SIPA1L2: variants seen among roughly 807,000 people sequenced by gnomAD.
The protein encoded by SIPA1L2 is signal induced proliferation associated 1 like 2, also known as signal-induced proliferation-associated 1-like protein 2.
A neutral mutation model predicts 163.9 loss-of-function variants in SIPA1L2; 56 were observed. That is an observed-to-expected ratio of 0.34 (90% CI 0.28 to 0.43). The LOEUF (loss-of-function observed/expected upper bound fraction) is 0.43. SIPA1L2 is among the 20% of genes least tolerant of loss of function. The pLI, the probability that SIPA1L2 is intolerant of heterozygous loss-of-function variation, is 1.00. For synonymous variants in SIPA1L2, 877 were observed against 865.7 expected (o/e 1.01, Z -0.23); for missense variants, 1,974 against 2,193.5 (o/e 0.90, Z 2.00).
chr1:232,491,207 A>G (rs1330739788), intron 4 of SIPA1L2, 145 bp from the exon 5 acceptor site: 2 of 683,072 alleles, frequency 2.9e-6, no homozygotes, highest in Admixed American at 3.0e-5. Context: ...GTTCCATTTA[A>G]GGAAACAAAA....
At chr1:232,489,499 T>TC (rs1665820214) in intron 5 of SIPA1L2, among the ~76,000 whole-genome samples, 1 of 152,124 alleles carries the variant, frequency 6.6e-6, no homozygotes, top group African/African-American at 2.4e-5. Flanking sequence ...AGTATGGTTT[T>TC]TTTTTTTTAA....
At chr1:232,613,552 C>T (rs1484806313) in intron 1 of SIPA1L2, among the ~76,000 whole-genome samples, 1 of 152,120 alleles carries the variant, frequency 6.6e-6, no homozygotes. Flanking sequence ...TCCAGCAATT[C>T]TGGAAGTTAC....
intron 2 of SIPA1L2, among the ~76,000 whole-genome samples, chr1:232,536,130 A>G (rs1240435638): frequency 6.6e-6 from 1 of 152,234 alleles, no homozygotes; most frequent in Admixed American, 6.5e-5. Flanking sequence ...AGGAAGCACG[A>G]CAGATCTGAG....
chr1:232,572,762 T>TACAC (rs1558277744), intron 2 of SIPA1L2, among the ~76,000 whole-genome samples: 8 of 118,006 alleles, frequency 6.8e-5, no homozygotes, highest in African/African-American at 1.9e-4. Context: ...TATATATATA[T>TACAC]ATATATATAT....
rs563414813 is a variant in SIPA1L2 at position 232,613,441 on chromosome 1, T to C, written c.-319+16428A>G. On this transcript the variant is annotated intron_variant, in intron 1 of 22. Coordinates refer to ENST00000674635, the MANE Select transcript of SIPA1L2 (RefSeq NM_020808.5). Reference sequence around the variant, plus strand: ...GGAAAACACAAAGTTACAGGTGGTCTTTAGCAAACCACCCACTTTTATTAT... The same window carrying C: ...GGAAAACACAAAGTTACAGGTGGTCCTTAGCAAACCACCCACTTTTATTAT... 5.9e-5 allele frequency among the ~76,000 whole-genome samples: 9 copies of C among 152,208 alleles called. 1 individual carries two copies. The South Asian group carries it at 1.4e-3, about 25-fold the overall frequency.
At chr1:232,466,651 C>A (rs537986235) in intron 8 of SIPA1L2, among the ~76,000 whole-genome samples, 2 of 151,960 alleles carry the variant, frequency 1.3e-5, no homozygotes, top group Admixed American at 6.6e-5. Context: ...ATTAGCCGGG[C>A]GTGGTGGCGG....
At chr1:232,559,442 T>C (rs1658907183) in intron 2 of SIPA1L2, among the ~76,000 whole-genome samples, 2 of 152,222 alleles carry the variant, frequency 1.3e-5, no homozygotes, top group South Asian at 2.1e-4. Flanking sequence ...AACCTCCTTT[T>C]GCCCCGGTCA....
chr1:232,424,322 CAAAAAAAAAAAAAAAAAA>C (rs55961523), intron 18 of SIPA1L2, among the ~76,000 whole-genome samples: 1 of 71,792 alleles, frequency 1.4e-5, no homozygotes, highest in African/African-American at 5.5e-5. Flanking sequence ...GTGAAGCTAA[CAAAAAAAAAAAAAAAAAA>C]AAAAAAAAAA....
chr1:232,506,304 GC>G (rs1159337037), intron 3 of SIPA1L2, among the ~76,000 whole-genome samples: 1 of 152,180 alleles, frequency 6.6e-6, no homozygotes, highest in African/African-American at 2.4e-5. Flanking sequence ...ACTGCTCTAA[GC>G]CCTTTACAGG....
At chr1:232,491,121 C>A in intron 4 of SIPA1L2, 59 bp from the exon 5 acceptor site, 1 of 1,477,482 alleles carries the variant, frequency 6.8e-7, no homozygotes, top group Non-Finnish European at 9.2e-7. Context: ...CTACTCACAG[C>A]CTAACTGTTT....
intron 1 of SIPA1L2, among the ~76,000 whole-genome samples, chr1:232,605,503 T>C (rs112446291): frequency 0.16 from 24,244 of 152,214 alleles, 2,426 homozygotes; most frequent in Middle Eastern, 0.3. Flanking sequence ...AACACAAGCC[T>C]GGCCAACACG....
chr1:232,464,683 A>T (rs1347496641), intron 9 of SIPA1L2, among the ~76,000 whole-genome samples, 157 bp downstream of exon 9: 1 of 152,198 alleles, frequency 6.6e-6, no homozygotes, highest in Non-Finnish European at 1.5e-5. Flanking sequence ...CAACTCCCCA[A>T]AAGGACCCAG....
At chr1:232,467,140 C>A (rs1240861187) in intron 8 of SIPA1L2, among the ~76,000 whole-genome samples, 1 of 152,174 alleles carries the variant, frequency 6.6e-6, no homozygotes, top group Non-Finnish European at 1.5e-5. Context: ...TAATCTGCAA[C>A]CTCTTCAGCA....
intron 2 of SIPA1L2, among the ~76,000 whole-genome samples, chr1:232,553,577 G>T (rs1462697135): frequency 2.0e-5 from 3 of 152,146 alleles, no homozygotes; most frequent in Non-Finnish European, 4.4e-5. Context: ...TCAGCTACAC[G>T]TGGAAAGTGG....
At chr1:232,476,453 T>G (rs1665052737) in intron 7 of SIPA1L2, among the ~76,000 whole-genome samples, 1 of 152,102 alleles carries the variant, frequency 6.6e-6, no homozygotes, top group South Asian at 2.1e-4. Flanking sequence ...GAAGAAAGAA[T>G]TTCGTTGCCA....
intron 1 of SIPA1L2, among the ~76,000 whole-genome samples, chr1:232,607,241 A>G (rs186148182): frequency 1.3e-5 from 2 of 152,330 alleles, no homozygotes; most frequent in African/African-American, 4.8e-5. Context: ...TCCCTGTTCC[A>G]TTAATGCATA....
intron 2 of SIPA1L2, among the ~76,000 whole-genome samples, chr1:232,566,255 T>G (rs1336541952): frequency 6.6e-6 from 1 of 152,198 alleles, no homozygotes; most frequent in Non-Finnish European, 1.5e-5. Context: ...AGAAAGTGCT[T>G]TCATTGAGGA....
chr1:232,399,105 C>A lies in SIPA1L2; in HGVS notation c.*22G>T, dbSNP rs747824400. ...GGGACAAGGGGCATTTCCCAGTGGT[C>A]CCTTGATGAGGTGCGGATTGGCTAA... On this transcript the variant is annotated 3_prime_UTR_variant, in exon 23 of 23. Transcript: ENST00000674635. The A allele has an allele frequency of 6.2e-7, 1 of 1,613,864 alleles. No individual in the cohort carries two copies. Among genetic ancestry groups the A allele is most frequent in the East Asian group, 2.2e-5 (1 of 44,872 alleles).
chr1:232,443,649 A>G lies in SIPA1L2; in HGVS notation c.3390T>C (p.Pro1130=). The G allele has an allele frequency of 1.9e-6, 3 of 1,609,904 alleles. No homozygotes were observed. Among genetic ancestry groups the G allele is most frequent in the Non-Finnish European group, 2.5e-6 (3 of 1,178,140 alleles). The change falls in exon 12 of 23, where the codon CCT becomes CCC. Residue 1130 remains proline (P), a synonymous_variant. Coordinates refer to ENST00000674635, the MANE Select transcript of SIPA1L2 (RefSeq NM_020808.5). The part of the protein sequence containing the change: ...SPSNQSSSSD[P]GPGGSGPWRP... ...TCCAGGGTCCGCTCCCGCCGGGTCC[A>G]GGGTCGCTGGAGGATGACTGGTTGC...
Sources: allele counts gnomAD v4.1 joint callset (sites outside exome capture counted in the v4.1 genomes callset), GRCh38; gene constraint gnomAD v4.1.1; transcripts MANE v1.5; gene names NCBI Gene and HGNC (gene_info 2026-07-23, HGNC 2026-07-21).